DYNC2I1: variants seen among roughly 807,000 people sequenced by gnomAD.
The protein encoded by DYNC2I1 is dynein 2 intermediate chain 1.
Under a neutral mutation model 133.4 loss-of-function variants are expected in DYNC2I1, and 89 were observed. The observed-to-expected ratio is 0.67, with a 90% CI of 0.56 to 0.80. DYNC2I1 has a LOEUF of 0.80. Ranked by LOEUF, DYNC2I1 falls within the 30% of genes least tolerant of loss-of-function variation. The pLI is 0.00. For synonymous variants in DYNC2I1, 504 were observed against 484.3 expected, an observed-to-expected ratio of 1.04 and a Z score of -0.54; for missense variants, 1,291 against 1,314.5, an observed-to-expected ratio of 0.98 and a Z score of 0.28.
intron 23 of DYNC2I1, among the ~76,000 whole-genome samples, chr7:158,934,752 T>G (rs1209058741): frequency 6.6e-6 from 1 of 152,186 alleles, no homozygotes; most frequent in Non-Finnish European, 1.5e-5. Flanking sequence ...CCTGGCTAAT[T>G]TAAAAAATGT....
chr7:158,906,354 A>T (rs1428920463), intron 11 of DYNC2I1, among the ~76,000 whole-genome samples: 1 of 152,220 alleles, frequency 6.6e-6, no homozygotes, highest in Non-Finnish European at 1.5e-5. Context: ...TAAATCGAGA[A>T]ATTTGTAAAA....
intron 15 of DYNC2I1, among the ~76,000 whole-genome samples, chr7:158,921,870 C>T (rs1038116743): frequency 2.4e-4 from 36 of 152,216 alleles, no homozygotes; most frequent in Non-Finnish European, 3.1e-4. Flanking sequence ...GCTGCCGGCA[C>T]GGCCAGCAGT....
chr7:158,941,055 G>C (rs1328389327), intron 23 of DYNC2I1, among the ~76,000 whole-genome samples: 5 of 152,108 alleles, frequency 3.3e-5, no homozygotes, highest in African/African-American at 1.2e-4. Flanking sequence ...GGTTTTGAAA[G>C]ATAAGCAAAA....
chr7:158,863,660 G>C (rs1392143838), intron 1 of DYNC2I1, among the ~76,000 whole-genome samples: 5 of 69,804 alleles, frequency 7.2e-5, no homozygotes, highest in Non-Finnish European at 1.4e-4. Context: ...CCTTAGCTGG[G>C]GGGGGGTGTG....
chr7:158,936,896 T>A (rs1026972538), intron 23 of DYNC2I1, among the ~76,000 whole-genome samples: 4 of 152,234 alleles, frequency 2.6e-5, no homozygotes, highest in African/African-American at 9.7e-5. Flanking sequence ...AGAGAAGATT[T>A]GCTAAGTAAA....
intron 5 of DYNC2I1, among the ~76,000 whole-genome samples, chr7:158,881,331 G>A (rs1054780330): frequency 1.3e-5 from 2 of 152,178 alleles, no homozygotes; most frequent in African/African-American, 2.4e-5. Flanking sequence ...TCTGCTACCC[G>A]CGTCTACGGT....
chr7:158,850,284 G>A, the DYNC2I1 span, among the ~76,000 whole-genome samples: 148 of 152,322 alleles, frequency 9.7e-4, no homozygotes, highest in African/African-American at 3.4e-3. Context: ...CCAGGAAGTG[G>A]GAGGCCCAGG....
chr7:158,891,179 A>G (rs553937915), intron 7 of DYNC2I1, 86 bp from the exon 8 acceptor site: 287 of 1,471,270 alleles, frequency 2.0e-4, no homozygotes, highest in Admixed American at 7.4e-4. Flanking sequence ...CGGGCTCCGC[A>G]GTGGTGGGGT....
rs372662674 is a variant in DYNC2I1, at chr7:158,926,358, C to G, written c.2372-44C>G. On this transcript the variant is annotated intron_variant, in intron 18 of 24. Coordinates refer to ENST00000407559, the MANE Select transcript of DYNC2I1 (RefSeq NM_018051.5). ...ATCAATGGTTGTGAAATATGGTTTC[C>G]TTATTTAAAGCCATTTCTTTCTTTT... is the stretch of plus-strand genomic sequence containing the variant. 50 of 1,602,432 alleles carry G rather than the reference C, an allele frequency of 3.1e-5. 1 individual carries two copies. The East Asian group carries it at 5.8e-4, about 19-fold the overall frequency.
intron 24 of DYNC2I1, among the ~76,000 whole-genome samples, chr7:158,943,650 C>T (rs1020501256): frequency 2.6e-5 from 4 of 152,104 alleles, no homozygotes; most frequent in Non-Finnish European, 5.9e-5. Context: ...CACAGGAGCC[C>T]CAGCTCTGTG....
At chr7:158,889,581 T>C (rs1269201889) in intron 7 of DYNC2I1, among the ~76,000 whole-genome samples, 1 of 152,186 alleles carries the variant, frequency 6.6e-6, no homozygotes, top group Non-Finnish European at 1.5e-5. Context: ...ACTAGAATTA[T>C]AATGTGAGCC....
intron 23 of DYNC2I1, among the ~76,000 whole-genome samples, chr7:158,938,930 T>C (rs1195249464): frequency 3.9e-5 from 6 of 152,198 alleles, no homozygotes; most frequent in Non-Finnish European, 8.8e-5. Flanking sequence ...CTCATAACTC[T>C]ACTATGAAGC....
At chr7:158,873,998 A>G (rs572927143) in intron 3 of DYNC2I1, among the ~76,000 whole-genome samples, 3 of 152,116 alleles carry the variant, frequency 2.0e-5, no homozygotes, top group Non-Finnish European at 2.9e-5. Context: ...AGCTCAGACA[A>G]TCCACCCACC....
intron 20 of DYNC2I1, 70 bp downstream of exon 20, chr7:158,927,113 T>G: frequency 8.7e-7 from 1 of 1,150,064 alleles, no homozygotes; most frequent in Non-Finnish European, 1.3e-6. Context: ...TACTGATAAC[T>G]GCGGTCAGGT....
At chr7:158,938,173 A>G (rs1283820953) in intron 23 of DYNC2I1, among the ~76,000 whole-genome samples, 1 of 152,228 alleles carries the variant, frequency 6.6e-6, no homozygotes, top group African/African-American at 2.4e-5. Flanking sequence ...GCATTTAATA[A>G]TCAGACTCTC....
chr7:158,932,807 TA>T (rs1466778564), intron 21 of DYNC2I1, among the ~76,000 whole-genome samples: 1 of 152,050 alleles, frequency 6.6e-6, no homozygotes, highest in African/African-American at 2.4e-5. Flanking sequence ...GGACACAGGC[TA>T]AAGGGGTAGA....
At chr7:158,863,991 T>A (rs914334597) in intron 1 of DYNC2I1, among the ~76,000 whole-genome samples, 5 of 128,370 alleles carry the variant, frequency 3.9e-5, no homozygotes, top group Admixed American at 1.6e-4. Context: ...CAGGACGTCC[T>A]TAGCTGCGGA....
intron 3 of DYNC2I1, among the ~76,000 whole-genome samples, chr7:158,874,643 G>C (rs1049772964): frequency 6.6e-6 from 1 of 152,050 alleles, no homozygotes; most frequent in Non-Finnish European, 1.5e-5. Flanking sequence ...TCTGTGCAGT[G>C]TGGCCTTTAT....
In DYNC2I1 at chr7:158,858,946, CCCTCCCCTCCCCTTT is replaced by C. The variant is rs1288428283; in HGVS notation, c.15+2224_15+2238del. On this transcript the variant is annotated intron_variant, in intron 1 of 24. Transcript: ENST00000407559. ...CTCCCCCCTCCCCTTTCCTTTCCTCCCCTCCCCTCCCCTTTCCTCCCCTCCCCTTTCCTCCCCTCC... is the reference window on the plus strand; with the variant it reads ...CTCCCCCCTCCCCTTTCCTTTCCTCCCCTCCCCTCCCCTTTCCTCCCCTCC... 7.6e-3 allele frequency among the ~76,000 whole-genome samples: 178 copies of C among 23,546 alleles called. 4 individuals are homozygous for C. Among genetic ancestry groups the C allele is most frequent in the African/African-American group, 0.035 (158 of 4,546 alleles). 15.4% of individuals were successfully genotyped at this position (23,546 alleles called of 152,430 possible).
Sources: allele counts gnomAD v4.1 joint callset (sites outside exome capture counted in the v4.1 genomes callset), GRCh38; gene constraint gnomAD v4.1.1; transcripts MANE v1.5; gene names NCBI Gene and HGNC (gene_info 2026-07-23, HGNC 2026-07-21).